The following LIMD1 variants were observed in gnomAD, a reference collection of about 807,000 sequenced individuals.
The protein encoded by LIMD1 is LIM domain-containing protein 1.
A neutral mutation model predicts 58.4 loss-of-function variants in LIMD1; 23 were observed. That is an observed-to-expected ratio of 0.39 (90% CI 0.28 to 0.56). The LOEUF (loss-of-function observed/expected upper bound fraction) is 0.56. LIMD1 is among the 20% of genes least tolerant of loss of function. LIMD1 has a pLI of 0.57. For missense variants in LIMD1, 838 were observed against 855.5 expected, an observed-to-expected ratio of 0.98 and a Z score of 0.25; for synonymous variants, 334 against 345.5, an observed-to-expected ratio of 0.97 and a Z score of 0.37.
rs569892446 is a variant in LIMD1, at chr3:45,659,209, GT to G, written c.1511-6438del. ...TATACTTCTACCAGTGTTACCCACTGTTTGTTTTTTTCCCTTTTGCATATCA... is the reference window on the plus strand; with the variant it reads ...TATACTTCTACCAGTGTTACCCACTGTTGTTTTTTTCCCTTTTGCATATCA... On this transcript the variant is annotated intron_variant, in intron 2 of 7. Transcript: ENST00000273317. 3.2e-3 allele frequency among the ~76,000 whole-genome samples: 493 copies of G among 152,286 alleles called. 2 individuals carry two copies. The highest frequency in any genetic ancestry group is 0.012 in the African/African-American group (483 of 41,574).
intron 2 of LIMD1, among the ~76,000 whole-genome samples, chr3:45,643,953 AG>A (rs1701874964): frequency 6.8e-6 from 1 of 147,130 alleles, no homozygotes; most frequent in Middle Eastern, 3.2e-3. Context: ...GGGAGAAAAA[AG>A]CAAAACTAAG....
At chr3:45,638,477 C>T (rs1218821846) in intron 2 of LIMD1, among the ~76,000 whole-genome samples, 2 of 152,138 alleles carry the variant, frequency 1.3e-5, no homozygotes, top group Non-Finnish European at 2.9e-5. Flanking sequence ...CTGCAAAGGA[C>T]ATGATGTCAC....
Position 45,595,623 on chromosome 3 carries a change from T to A in LIMD1, c.744T>A (p.Asn248Lys). The A allele has an allele frequency of 1.2e-6, 2 of 1,613,932 alleles. No homozygotes were observed. The highest frequency in any genetic ancestry group is 2.2e-5 in the South Asian group (2 of 91,066). Residue 248 changes from asparagine to lysine, a missense_variant, in exon 1 of 8, where the codon AAT (asparagine) becomes AAA (lysine). Asn to Lys is a moderately conservative substitution (Grantham distance 94, BLOSUM62 0). Coordinates refer to ENST00000273317, the MANE Select transcript of LIMD1 (RefSeq NM_014240.3). ...RSSEGSLGGQNSGIGGRSSEK... is the reference protein window; with the variant it reads ...RSSEGSLGGQKSGIGGRSSEK... ...CTGAGGGTAGCCTCGGTGGTCAGAA[T>A]AGTGGCATTGGTGGCCGCAGCAGCG...
At chr3:45,609,286 C>A (rs1033880528) in intron 1 of LIMD1, among the ~76,000 whole-genome samples, 2 of 152,204 alleles carry the variant, frequency 1.3e-5, no homozygotes, top group African/African-American at 2.4e-5. Flanking sequence ...GAATCCCTGT[C>A]CCTTGTGGTA....
chr3:45,658,154 T>C (rs1191130331), intron 2 of LIMD1, among the ~76,000 whole-genome samples: 1 of 152,186 alleles, frequency 6.6e-6, no homozygotes, highest in Non-Finnish European at 1.5e-5. Context: ...CCACTCAGAA[T>C]ACAAACAAAT....
intron 1 of LIMD1, chr3:45,635,872 T>C (rs1701782097): frequency 2.0e-6 from 2 of 980,392 alleles, no homozygotes; most frequent in East Asian, 2.3e-4. Flanking sequence ...TTGGGTGGGG[T>C]GAGGGAGGGA....
Position 45,677,826 on chromosome 3 carries a change from AT to A in LIMD1, c.*778del, listed in dbSNP as rs950011471. ...AGAAGAACTTGGTGCAGGCACCAGG[AT>A]TTTTTTTTTTGCCCACGTGTTTGCG... is the stretch of plus-strand genomic sequence containing the variant. On this transcript the variant is annotated 3_prime_UTR_variant, in exon 8 of 8. Coordinates refer to ENST00000273317, the MANE Select transcript of LIMD1 (RefSeq NM_014240.3). The A allele has an allele frequency of 2.3e-4, 34 of 148,004 alleles. No homozygotes were observed. Among genetic ancestry groups the A allele is most frequent in the African/African-American group, 4.0e-4 (16 of 40,460 alleles). The allele number at this position is 148,004 out of a possible 1,614,324, so 9.2% of individuals were successfully genotyped here.
At chr3:45,635,854 C>G in intron 1 of LIMD1, 1 of 982,858 alleles carries the variant, frequency 1.0e-6, no homozygotes, top group South Asian at 4.7e-5. Context: ...TGGGAACCTT[C>G]GAAAGCTTTG....
intron 2 of LIMD1, among the ~76,000 whole-genome samples, chr3:45,649,848 G>GTTTT (rs367547670): frequency 3.1e-5 from 3 of 97,338 alleles, no homozygotes; most frequent in African/African-American, 7.7e-5. Flanking sequence ...AAGTTTTTTT[G>GTTTT]TTTTTTTTTT....
Position 45,683,471 on chromosome 3 carries a change from C to T in LIMD1, c.*6412C>T, listed in dbSNP as rs1444985372. 6.6e-6 allele frequency: 1 copy of T among 152,206 alleles called. No individual in the cohort carries two copies. Among genetic ancestry groups the T allele is most frequent in the Non-Finnish European group, 1.5e-5 (1 of 68,044 alleles). The allele number at this position is 152,206 out of a possible 1,614,324, so 9.4% of individuals were successfully genotyped here. ...TAATTGATCCCCTCCCACAACCAAT[C>T]AGACTGGTCTTAGGCCAAGTCTTCA... On this transcript the variant is annotated 3_prime_UTR_variant, in exon 8 of 8. Coordinates refer to ENST00000273317, the MANE Select transcript of LIMD1 (RefSeq NM_014240.3).
chr3:45,608,823 G>A (rs1701493113), intron 1 of LIMD1, among the ~76,000 whole-genome samples: 2 of 122,218 alleles, frequency 1.6e-5, no homozygotes, highest in Admixed American at 1.1e-4. Flanking sequence ...CTGGGCAACA[G>A]AGCGAGACTC....
chr3:45,634,937 C>T (rs1701770749), intron 1 of LIMD1: 1 of 152,204 alleles, frequency 6.6e-6, no homozygotes, highest in Non-Finnish European at 1.5e-5. Flanking sequence ...GAACCTGGCT[C>T]TTCAAATTTG....
intron 6 of LIMD1, chr3:45,673,791 CT>C (rs1697629048): frequency 2.2e-6 from 1 of 453,772 alleles, no homozygotes; most frequent in African/African-American, 2.0e-5. Context: ...TGGCATGTGC[CT>C]GTAGTCCTAG....
intron 1 of LIMD1, among the ~76,000 whole-genome samples, chr3:45,598,260 T>C (rs1438009540): frequency 6.6e-6 from 1 of 152,196 alleles, no homozygotes; most frequent in Non-Finnish European, 1.5e-5. Context: ...GGCCTACTGG[T>C]TTATTTTTTA....
chr3:45,618,162 G>A (rs982964487), intron 1 of LIMD1, among the ~76,000 whole-genome samples: 4 of 152,160 alleles, frequency 2.6e-5, no homozygotes, highest in African/African-American at 7.2e-5. Context: ...TGTGTTTTCC[G>A]TGGTTGGAGG....
chr3:45,644,254 T>A (rs2125661144), intron 2 of LIMD1, among the ~76,000 whole-genome samples: 1 of 152,296 alleles, frequency 6.6e-6, no homozygotes, highest in East Asian at 1.9e-4. Flanking sequence ...GACTGGAGGG[T>A]TCTTGCCAGC....
chr3:45,676,565 G>A (rs189787421), intron 7 of LIMD1, among the ~76,000 whole-genome samples: 13 of 152,208 alleles, frequency 8.5e-5, no homozygotes, highest in African/African-American at 3.1e-4. Flanking sequence ...TTAGTTTTCT[G>A]TTCCTTTGTT....
chr3:45,672,864 A>G (rs751878515), intron 5 of LIMD1, 44 bp downstream of exon 5: 44 of 1,608,114 alleles, frequency 2.7e-5, no homozygotes, highest in Non-Finnish European at 3.6e-5. Flanking sequence ...GTGTAGGCCA[A>G]GCTGATCTCA....
chr3:45,595,403 C>G lies in LIMD1; in HGVS notation c.524C>G (p.Thr175Ser). The change falls in exon 1 of 8, where the codon ACT (threonine) becomes AGT (serine). Residue 175 changes from threonine (T) to serine (S), a missense_variant. This residue lies in a region of LIMD1 where 659 missense variants were observed against 639.8 expected (regional missense o/e 1.03). Transcript: ENST00000273317. ...PGPCEDPSCLTHGDYYDNLSL... is the reference protein window; with the variant it reads ...PGPCEDPSCLSHGDYYDNLSL... The stretch of plus-strand genomic sequence containing the variant: ...CCCTGTGAGGATCCTTCCTGCCTCA[C>G]TCATGGAGACTATTATGACAACCTC... 1 of 1,614,018 alleles carries G rather than the reference C, an allele frequency of 6.2e-7. No homozygotes were observed.
Sources: gnomAD v4.1 joint callset for allele counts (sites outside exome capture counted in the v4.1 genomes callset) on GRCh38, gnomAD v4.1.1 for gene constraint, gnomAD v4.1.1 regional missense constraint, MANE v1.5 for transcripts, NCBI Gene and HGNC (gene_info 2026-07-23, HGNC 2026-07-21) for gene names.